The following DTD1 variants were observed in gnomAD, a reference collection of about 807,000 sequenced individuals.
DTD1 encodes the protein D-aminoacyl-tRNA deacylase 1.
DTD1 carries 13 observed loss-of-function variants against 25.6 expected under a neutral mutation model. That is an observed-to-expected ratio of 0.51 (90% CI 0.33 to 0.81). The LOEUF (loss-of-function observed/expected upper bound fraction) is 0.81. Among genes scored for constraint, DTD1 ranks in the 30% least tolerant of loss-of-function variants. The pLI is 0.02. For missense variants in DTD1, 193 were observed against 266.4 expected, an observed-to-expected ratio of 0.72 and a Z score of 1.92; for synonymous variants, 110 against 103.6, an observed-to-expected ratio of 1.06 and a Z score of -0.37.
intron 3 of DTD1, among the ~76,000 whole-genome samples, chr20:18,607,034 T>C (rs1240777190): frequency 6.6e-6 from 1 of 152,214 alleles, no homozygotes; most frequent in Non-Finnish European, 1.5e-5. Context: ...ATGTGATTTT[T>C]CTTCTTTAGC....
intron 3 of DTD1, among the ~76,000 whole-genome samples, chr20:18,609,716 A>G (rs189346852): frequency 2.4e-4 from 37 of 152,302 alleles, no homozygotes; most frequent in African/African-American, 8.4e-4. Context: ...GTAAGAATAC[A>G]TGGATTCTAG....
intron 4 of DTD1, among the ~76,000 whole-genome samples, chr20:18,636,480 A>G (rs1445766776): frequency 6.6e-6 from 1 of 152,234 alleles, no homozygotes; most frequent in East Asian, 1.9e-4. Context: ...AAAATGCAGC[A>G]CTTGCTATAC....
intron 1 of DTD1, among the ~76,000 whole-genome samples, chr20:18,590,829 A>G (rs1224193973): frequency 6.6e-6 from 1 of 152,202 alleles, no homozygotes; most frequent in Non-Finnish European, 1.5e-5. Flanking sequence ...AATTTTTAAA[A>G]GTTTATTATG....
At chr20:18,589,593 G>A (rs6081230) in intron 1 of DTD1, among the ~76,000 whole-genome samples, 139,921 of 152,206 alleles carry the variant, frequency 0.92, 65,371 homozygotes, top group East Asian at 1. Context: ...TAACATTTCT[G>A]TAGATATTTA....
chr20:18,758,784 G>A (rs915012057), intron 5 of DTD1, among the ~76,000 whole-genome samples: 2 of 152,174 alleles, frequency 1.3e-5, no homozygotes, highest in Non-Finnish European at 2.9e-5. Flanking sequence ...TGTCTATTAG[G>A]TCCACTTGGT....
intron 3 of DTD1, among the ~76,000 whole-genome samples, chr20:18,622,080 AT>A (rs1431553808): frequency 6.7e-6 from 1 of 149,054 alleles, no homozygotes; most frequent in East Asian, 2.0e-4. Flanking sequence ...AAAAAAAATT[AT>A]TTTGCTTTAA....
intron 4 of DTD1, among the ~76,000 whole-genome samples, chr20:18,715,278 G>C (rs2061175498): frequency 6.6e-6 from 1 of 152,134 alleles, no homozygotes; most frequent in South Asian, 2.1e-4. Context: ...TGCTCCCCCA[G>C]ATCACTCCCT....
At chr20:18,757,800 AGG>A (rs1385385037) in intron 5 of DTD1, among the ~76,000 whole-genome samples, 21 of 152,282 alleles carry the variant, frequency 1.4e-4, no homozygotes, top group African/African-American at 4.8e-4. Context: ...TGAGTTAGGG[AGG>A]ATTCCCTCTT....
chr20:18,758,118 T>G (rs557992470), intron 5 of DTD1, among the ~76,000 whole-genome samples: 1 of 148,786 alleles, frequency 6.7e-6, no homozygotes, highest in South Asian at 2.2e-4. Flanking sequence ...TGTGGTGATA[T>G]CCCCTTTATC....
intron 4 of DTD1, among the ~76,000 whole-genome samples, chr20:18,665,335 A>T (rs541067378): frequency 1.6e-4 from 25 of 152,308 alleles, no homozygotes; most frequent in Middle Eastern, 3.4e-3. Context: ...AGATGCCAGC[A>T]GGGCATCTGC....
chr20:18,683,018 T>C (rs1445174467), intron 4 of DTD1, among the ~76,000 whole-genome samples: 1 of 152,242 alleles, frequency 6.6e-6, no homozygotes, highest in African/African-American at 2.4e-5. Flanking sequence ...ATTAGGACAC[T>C]GAGCTGATTT....
rs1242444301 is a variant in DTD1, at chr20:18,764,377, C to A, written c.*1037C>A. ...CAGTTAAATTTCAGTCTACTGGTGG[C>A]ACACTCAGAGTAGTCATTTTTTGAC... On this transcript the variant is annotated 3_prime_UTR_variant, in exon 6 of 6. Coordinates refer to ENST00000377452, the MANE Select transcript of DTD1 (RefSeq NM_080820.6). 1.3e-5 allele frequency: 2 copies of A among 152,234 alleles called. No homozygotes were observed. The highest frequency in any genetic ancestry group is 1.3e-4 in the Admixed American group (2 of 15,284). 9.4% of individuals were successfully genotyped at this position (152,234 alleles called of 1,614,324 possible).
Position 18,766,559 on chromosome 20 carries a change from CA to C in DTD1, c.*3220del, listed in dbSNP as rs2061379539. ...TAGATCAAGACCATCCTGGCTAACA[CA>C]GTGAAACCCCGTCTCTACTAAAAAT... is the stretch of plus-strand genomic sequence containing the variant. On this transcript the variant is annotated 3_prime_UTR_variant, in exon 6 of 6. Transcript: ENST00000377452. The C allele has an allele frequency of 6.6e-6, 1 of 151,544 alleles. No homozygotes were observed. The highest frequency in any genetic ancestry group is 2.1e-4 in the South Asian group (1 of 4,760). The allele number at this position is 151,544 out of a possible 1,614,324, so 9.4% of individuals were successfully genotyped here. A position where few individuals can be genotyped will look rare whatever the true frequency, so the allele number is the denominator to read the frequency against.
At chr20:18,710,212 G>C (rs2061153223) in intron 4 of DTD1, among the ~76,000 whole-genome samples, 1 of 152,138 alleles carries the variant, frequency 6.6e-6, no homozygotes, top group Non-Finnish European at 1.5e-5. Flanking sequence ...TGATAGAACT[G>C]ACAGGTTAGG....
chr20:18,751,692 A>G (rs1246356046), intron 5 of DTD1, among the ~76,000 whole-genome samples: 1 of 151,894 alleles, frequency 6.6e-6, no homozygotes, highest in African/African-American at 2.4e-5. Flanking sequence ...TAGGGTTTTA[A>G]CATGTTGGCC....
At chr20:18,706,484 G>A (rs183139840) in intron 4 of DTD1, among the ~76,000 whole-genome samples, 143 of 152,314 alleles carry the variant, frequency 9.4e-4, no homozygotes, top group African/African-American at 3.0e-3. Context: ...CAGGTAACCT[G>A]TCAGGTGGGT....
intron 3 of DTD1, among the ~76,000 whole-genome samples, chr20:18,617,370 ATAAT>A (rs1439822712): frequency 3.4e-5 from 5 of 149,178 alleles, no homozygotes; most frequent in Non-Finnish European, 7.4e-5. Flanking sequence ...ATGTGTATAT[ATAAT>A]ATAATGTATA....
At chr20:18,628,274 C>G (rs1280592803) in intron 4 of DTD1, 41 bp downstream of exon 4, 4 of 1,500,072 alleles carry the variant, frequency 2.7e-6, no homozygotes, top group Non-Finnish European at 3.7e-6. Flanking sequence ...CCCTTGGGTG[C>G]CTGTAACATC....
intron 4 of DTD1, among the ~76,000 whole-genome samples, chr20:18,635,076 T>C (rs2060801818): frequency 6.6e-6 from 1 of 152,220 alleles, no homozygotes; most frequent in Admixed American, 6.5e-5. Flanking sequence ...CTAATTGTGG[T>C]TGGTTTCAGC....
Sources: allele counts gnomAD v4.1 joint callset (sites outside exome capture counted in the v4.1 genomes callset), GRCh38; gene constraint gnomAD v4.1.1; transcripts MANE v1.5; gene names NCBI Gene and HGNC (gene_info 2026-07-23, HGNC 2026-07-21).